Variants in MDGA2 observed in about 807,000 individuals in gnomAD.
The protein encoded by MDGA2 is MAM domain-containing glycosylphosphatidylinositol anchor protein 2.
In MDGA2, 40 loss-of-function variants were observed where a neutral mutation model predicts 117.8. The ratio of observed to expected loss-of-function variants is 0.34; its 90% CI spans 0.26 to 0.44. The LOEUF (loss-of-function observed/expected upper bound fraction) is 0.44, where lower values mean the gene tolerates loss of function less well. MDGA2 is among the 20% of genes least tolerant of loss of function. MDGA2 has a pLI of 1.00. For missense variants in MDGA2, 1,123 were observed against 1,250.6 expected (o/e 0.90, Z 1.54); for synonymous variants, 452 against 439.0 (o/e 1.03, Z -0.37).
At chr14:47,220,359 C>G (rs767335743) in intron 2 of MDGA2, among the ~76,000 whole-genome samples, 11 of 152,300 alleles carry the variant, frequency 7.2e-5, no homozygotes, top group Non-Finnish European at 1.6e-4. Flanking sequence ...CTAATGTTGT[C>G]TTTCCTTCTT....
At chr14:47,668,171 A>T (rs1203759911) in intron 1 of MDGA2, among the ~76,000 whole-genome samples, 1 of 152,230 alleles carries the variant, frequency 6.6e-6, no homozygotes, top group African/African-American at 2.4e-5. Context: ...AACAGTTTTT[A>T]AAAATGTAAG....
intron 2 of MDGA2, among the ~76,000 whole-genome samples, chr14:47,292,068 A>G (rs1290168013): frequency 2.0e-5 from 3 of 152,224 alleles, no homozygotes; most frequent in Non-Finnish European, 2.9e-5. Flanking sequence ...AAGATACCAC[A>G]TCTGATCCAG....
intron 1 of MDGA2, among the ~76,000 whole-genome samples, chr14:47,436,558 C>T (rs1594855824): frequency 6.6e-6 from 1 of 151,964 alleles, no homozygotes; most frequent in Non-Finnish European, 1.5e-5. Flanking sequence ...AATACCCAGG[C>T]TTTTAGGGAA....
At chr14:47,380,454 C>T (rs559811022) in intron 1 of MDGA2, among the ~76,000 whole-genome samples, 1 of 150,412 alleles carries the variant, frequency 6.6e-6, no homozygotes, top group East Asian at 2.0e-4. Flanking sequence ...AAACGATCAA[C>T]AAAATTGACA....
At chr14:47,135,697 G>A (rs183152796) in intron 4 of MDGA2, among the ~76,000 whole-genome samples, 52 of 152,036 alleles carry the variant, frequency 3.4e-4, no homozygotes, top group African/African-American at 9.9e-4. Context: ...TTCAAAAACC[G>A]TTAGTTTGTC....
intron 1 of MDGA2, among the ~76,000 whole-genome samples, chr14:47,387,102 C>T (rs1361121921): frequency 1.3e-5 from 2 of 152,116 alleles, no homozygotes; most frequent in Non-Finnish European, 2.9e-5. Flanking sequence ...GGGTATGACT[C>T]GTGTTTCTGA....
chr14:46,947,799 A>C (rs182829878), intron 9 of MDGA2, among the ~76,000 whole-genome samples: 64 of 152,122 alleles, frequency 4.2e-4, no homozygotes, highest in African/African-American at 1.5e-3. Flanking sequence ...AGGAGTGTGA[A>C]AACAGACTAA....
intron 8 of MDGA2, among the ~76,000 whole-genome samples, chr14:47,006,883 T>G (rs1352576403): frequency 6.6e-6 from 1 of 151,718 alleles, no homozygotes; most frequent in African/African-American, 2.4e-5. Context: ...TATGCATTAT[T>G]CTCGGAGAAT....
chr14:47,635,501 C>A (rs1594955031), intron 1 of MDGA2, among the ~76,000 whole-genome samples: 2 of 152,042 alleles, frequency 1.3e-5, no homozygotes, highest in Non-Finnish European at 2.9e-5. Flanking sequence ...AAAAGTTGCT[C>A]CAGTAGACAT....
intron 3 of MDGA2, among the ~76,000 whole-genome samples, chr14:47,184,380 AT>A (rs909659467): frequency 2.0e-5 from 3 of 151,844 alleles, no homozygotes; most frequent in African/African-American, 4.8e-5. Context: ...ATTTTAGAAC[AT>A]TTTTTTGTCC....
intron 5 of MDGA2, among the ~76,000 whole-genome samples, chr14:47,103,618 A>G (rs1047924413): frequency 6.6e-6 from 1 of 152,254 alleles, no homozygotes; most frequent in Non-Finnish European, 1.5e-5. Flanking sequence ...GCCAACATGC[A>G]TTTCTCATTG....
At chr14:46,918,814 T>G (rs117291207) in intron 10 of MDGA2, among the ~76,000 whole-genome samples, 4,907 of 145,944 alleles carry the variant, frequency 0.034, 105 homozygotes, top group Non-Finnish European at 0.045. Context: ...AGAGCTGGAG[T>G]GCAGTGGCGC....
At chr14:47,149,269 G>A (rs949734122) in intron 3 of MDGA2, among the ~76,000 whole-genome samples, 2 of 152,064 alleles carry the variant, frequency 1.3e-5, no homozygotes, top group African/African-American at 4.8e-5. Flanking sequence ...CAACCTGGGG[G>A]ACAGAGTGAG....
chr14:47,498,560 T>C (rs1894330397), intron 1 of MDGA2, among the ~76,000 whole-genome samples: 1 of 152,140 alleles, frequency 6.6e-6, no homozygotes. Context: ...AGAGAAATCA[T>C]ACTTTTGAGT....
Position 47,062,274 on chromosome 14 carries a change from C to T in MDGA2, c.1196-696G>A, listed in dbSNP as rs555697870. 4.7e-4 allele frequency among the ~76,000 whole-genome samples: 72 copies of T among 152,098 alleles called. 1 individual carries two copies. The South Asian group carries it at 0.015, about 31-fold the overall frequency. ...ATGCGGATGACCAAAAGAACCTCTC[C>T]ACAGACAGCTTAGAAAACAGGTTTG... is the stretch of plus-strand genomic sequence containing the variant. On this transcript the variant is annotated intron_variant, in intron 6 of 16. Transcript: ENST00000399232.
intron 3 of MDGA2, among the ~76,000 whole-genome samples, chr14:47,166,235 C>T (rs968545492): frequency 1.3e-5 from 2 of 151,864 alleles, no homozygotes; most frequent in African/African-American, 4.8e-5. Flanking sequence ...AGGGTTTTAC[C>T]GTGTTAGCCA....
Position 47,026,347 on chromosome 14 carries a change from C to A in MDGA2, c.1819+8664G>T, listed in dbSNP as rs570101932. ...TGCATTAATTAAAGTACTCTTTTGA[C>A]AATCAATTTCTTACATTGTTGCTTA... is the stretch of plus-strand genomic sequence containing the variant. On this transcript the variant is annotated intron_variant, in intron 8 of 16. Coordinates refer to ENST00000399232, the MANE Select transcript of MDGA2 (RefSeq NM_001113498.3). 4.6e-5 allele frequency among the ~76,000 whole-genome samples: 7 copies of A among 152,168 alleles called. No homozygotes were observed. In the South Asian group the frequency reaches 1.5e-3, roughly 32 times the overall value.
intron 8 of MDGA2, among the ~76,000 whole-genome samples, chr14:47,011,954 T>G (rs912352965): frequency 6.6e-5 from 10 of 151,444 alleles, no homozygotes; most frequent in Non-Finnish European, 1.2e-4. Flanking sequence ...AATGTCAAAG[T>G]GTTCAGTTGA....
intron 5 of MDGA2, among the ~76,000 whole-genome samples, chr14:47,113,475 G>A (rs1047460419): frequency 1.3e-5 from 2 of 152,038 alleles, no homozygotes; most frequent in African/African-American, 4.8e-5. Flanking sequence ...GAAACTGCAG[G>A]CCAATATCTC....
Sources: allele counts gnomAD v4.1 joint callset (sites outside exome capture counted in the v4.1 genomes callset), GRCh38; gene constraint gnomAD v4.1.1; transcripts MANE v1.5; gene names NCBI Gene and HGNC (gene_info 2026-07-23, HGNC 2026-07-21).